The following TCERG1L variants were observed in gnomAD, a reference collection of about 807,000 sequenced individuals.
TCERG1L encodes transcription elongation regulator 1-like protein.
In TCERG1L, 37 loss-of-function variants were observed where a neutral mutation model predicts 56.3. That is an observed-to-expected ratio of 0.66 (90% CI 0.51 to 0.87). TCERG1L has a LOEUF of 0.87. Ranked by LOEUF, TCERG1L falls within the 40% of genes least tolerant of loss-of-function variation. The probability of loss-of-function intolerance (pLI) is 0.00; values close to 1 mark genes in which losing one functional copy is unlikely to be tolerated. For synonymous variants in TCERG1L, 324 were observed against 326.3 expected, an observed-to-expected ratio of 0.99 and a Z score of 0.08; for missense variants, 799 against 774.2, an observed-to-expected ratio of 1.03 and a Z score of -0.38.
At position 131,191,130 on chromosome 10, in the gene TCERG1L, AAAAC is replaced by A. The variant is rs1231125901; in HGVS notation, c.857-24249_857-24246del. ...TATTTTTCACAACAGCTGCAAAACA[AAAAC>A]AAACAAACAAACAAAAAACCCTAGG... On this transcript the variant is annotated intron_variant, in intron 4 of 11. Coordinates refer to ENST00000368642, the MANE Select transcript of TCERG1L (RefSeq NM_174937.4). Among the ~76,000 whole-genome samples the A allele has an allele frequency of 1.2e-4, 17 of 144,406 alleles. 2 individuals are homozygous for A. The South Asian group carries it at 2.3e-3, about 20-fold the overall frequency. 94.7% of individuals were successfully genotyped at this position (144,406 alleles called of 152,430 possible). A position where few individuals can be genotyped will look rare whatever the true frequency, so the allele number is the denominator to read the frequency against.
chr10:131,301,100 C>T (rs1482027015), intron 3 of TCERG1L, among the ~76,000 whole-genome samples: 2 of 152,076 alleles, frequency 1.3e-5, no homozygotes, highest in Non-Finnish European at 2.9e-5. Flanking sequence ...ATGTCCCTCT[C>T]CTTCCACCAG....
intron 8 of TCERG1L, among the ~76,000 whole-genome samples, chr10:131,119,429 T>C (rs1187607904): frequency 6.6e-6 from 1 of 152,256 alleles, no homozygotes; most frequent in African/African-American, 2.4e-5. Flanking sequence ...ATATTACCAG[T>C]GGATTTCCAA....
intron 3 of TCERG1L, among the ~76,000 whole-genome samples, chr10:131,285,690 A>C (rs1007439760): frequency 6.6e-6 from 1 of 152,230 alleles, no homozygotes; most frequent in Admixed American, 6.5e-5. Flanking sequence ...GCAATTCAAC[A>C]TGAAGATTTT....
intron 4 of TCERG1L, among the ~76,000 whole-genome samples, chr10:131,219,217 C>T (rs1242239846): frequency 2.6e-5 from 4 of 152,200 alleles, no homozygotes; most frequent in East Asian, 1.9e-4. Context: ...CCCATGGGGC[C>T]CCTCCAGTAC....
chr10:131,269,438 C>G (rs1383679683), intron 3 of TCERG1L, among the ~76,000 whole-genome samples: 1 of 152,176 alleles, frequency 6.6e-6, no homozygotes, highest in African/African-American at 2.4e-5. Context: ...CTGCCCGTCT[C>G]AACCTCCCAA....
At position 131,184,687 on chromosome 10, in the gene TCERG1L, C is replaced by T. The variant is rs57478226; in HGVS notation, c.857-17802G>A. 3.9e-3 allele frequency among the ~76,000 whole-genome samples: 587 copies of T among 152,272 alleles called. 3 individuals are homozygous for T. The highest frequency in any genetic ancestry group is 0.013 in the African/African-American group (523 of 41,558). Reference sequence around the variant, plus strand: ...CTACTCGCTGATTCTAAGTTGTGAACGGGAAGCCCAGGAGCTCCAGGCACC... The same window carrying T: ...CTACTCGCTGATTCTAAGTTGTGAATGGGAAGCCCAGGAGCTCCAGGCACC... On this transcript the variant is annotated intron_variant, in intron 4 of 11. Transcript: ENST00000368642.
chr10:131,139,712 CTGTG>C (rs1001769211), intron 7 of TCERG1L, among the ~76,000 whole-genome samples: 8 of 142,848 alleles, frequency 5.6e-5, no homozygotes, highest in African/African-American at 7.8e-5. Flanking sequence ...GTGTGTGTGT[CTGTG>C]TGTATGTGTG....
At chr10:131,273,211 G>A (rs1042224135) in intron 3 of TCERG1L, among the ~76,000 whole-genome samples, 2 of 152,086 alleles carry the variant, frequency 1.3e-5, no homozygotes, top group East Asian at 3.9e-4. Context: ...TGCCCGTGTA[G>A]ACAGCCTGGG....
intron 8 of TCERG1L, among the ~76,000 whole-genome samples, chr10:131,119,723 C>T (rs1845494830): frequency 6.6e-6 from 1 of 152,188 alleles, no homozygotes; most frequent in African/African-American, 2.4e-5. Flanking sequence ...GAGTTCTGTA[C>T]CTTTAACAAA....
At chr10:131,223,296 T>C (rs60927559) in intron 4 of TCERG1L, among the ~76,000 whole-genome samples, 13,221 of 152,226 alleles carry the variant, frequency 0.087, 712 homozygotes, top group East Asian at 0.24. Flanking sequence ...CCCACCCTGG[T>C]GCAGACCCCA....
intron 3 of TCERG1L, among the ~76,000 whole-genome samples, chr10:131,263,227 G>A (rs183774126): frequency 1.7e-3 from 264 of 152,128 alleles, no homozygotes; most frequent in Non-Finnish European, 2.1e-3. Flanking sequence ...TCTGGATGTC[G>A]GCTTTTCTAA....
rs181972337 is a variant in TCERG1L, at chr10:131,122,695, A to C, written c.1260-5761T>G. Among the ~76,000 whole-genome samples, 320 of 152,308 alleles carry C rather than the reference A, an allele frequency of 2.1e-3. 3 individuals carry two copies. The South Asian group carries it at 0.021, about 10-fold the overall frequency. On this transcript the variant is annotated intron_variant, in intron 8 of 11. Transcript: ENST00000368642. ...TCACTTTCTGTGAGTTCTCTGAGTCATTCTAGCAAATTATCAAACTTGAAG... is the reference window on the plus strand; with the variant it reads ...TCACTTTCTGTGAGTTCTCTGAGTCCTTCTAGCAAATTATCAAACTTGAAG...
chr10:131,301,810 A>T (rs919561480), intron 3 of TCERG1L, among the ~76,000 whole-genome samples: 1 of 152,136 alleles, frequency 6.6e-6, no homozygotes, highest in Non-Finnish European at 1.5e-5. Flanking sequence ...AATAAAAGAA[A>T]ATAAAAAAGC....
chr10:131,112,512 C>T (rs1845421790), intron 9 of TCERG1L, among the ~76,000 whole-genome samples: 3 of 142,460 alleles, frequency 2.1e-5, no homozygotes, highest in African/African-American at 4.9e-5. Context: ...CTGCCCCACT[C>T]TGCGGCCCTC....
intron 3 of TCERG1L, among the ~76,000 whole-genome samples, chr10:131,261,926 G>A (rs1012909760): frequency 3.9e-5 from 6 of 152,336 alleles, no homozygotes; most frequent in South Asian, 2.1e-4. Context: ...GAGGCAAGGC[G>A]AGACTCCCTG....
intron 4 of TCERG1L, among the ~76,000 whole-genome samples, chr10:131,197,487 T>C (rs946001029): frequency 7.0e-6 from 1 of 142,752 alleles, no homozygotes; most frequent in Non-Finnish European, 1.5e-5. Context: ...ACCTGGCCTT[T>C]CTCCTCCATT....
chr10:131,252,630 C>T (rs1846124766), intron 4 of TCERG1L, among the ~76,000 whole-genome samples: 4 of 152,194 alleles, frequency 2.6e-5, no homozygotes, highest in Admixed American at 2.6e-4. Context: ...CCAACGAGCG[C>T]CCATCAGGGA....
chr10:131,290,101 T>A (rs1322219583), intron 3 of TCERG1L, among the ~76,000 whole-genome samples: 9 of 38,814 alleles, frequency 2.3e-4, no homozygotes, highest in African/African-American at 4.1e-4. Flanking sequence ...TCGGTGTGTG[T>A]GTGTATGTGT....
At chr10:131,102,727 A>C (rs745697234) in intron 10 of TCERG1L, among the ~76,000 whole-genome samples, 7 of 152,116 alleles carry the variant, frequency 4.6e-5, no homozygotes, top group Non-Finnish European at 1.0e-4. Flanking sequence ...ACGTGACCGC[A>C]CACATGGAGT....
Sources: allele counts gnomAD v4.1 joint callset (sites outside exome capture counted in the v4.1 genomes callset), GRCh38; gene constraint gnomAD v4.1.1; transcripts MANE v1.5; gene names NCBI Gene and HGNC (gene_info 2026-07-23, HGNC 2026-07-21).